Variants in FGF1 observed in about 807,000 individuals in gnomAD.
FGF1 encodes fibroblast growth factor 1, also known as beta-endothelial cell growth factor.
A neutral mutation model predicts 13.4 loss-of-function variants in FGF1; 9 were observed. The observed-to-expected ratio is 0.67, with a 90% CI of 0.40 to 1.17. The LOEUF (loss-of-function observed/expected upper bound fraction) is 1.17. FGF1 is among the 50% of genes most tolerant of loss of function. The pLI, the probability that FGF1 is intolerant of heterozygous loss-of-function variation, is 0.01. For missense variants in FGF1, 156 were observed against 192.7 expected (o/e 0.81, Z 1.13); for synonymous variants, 93 against 79.0 (o/e 1.18, Z -0.94).
intron 2 of FGF1, among the ~76,000 whole-genome samples, chr5:142,602,698 G>A (rs988682552): frequency 5.9e-5 from 9 of 151,826 alleles, no homozygotes; most frequent in African/African-American, 2.2e-4. Flanking sequence ...AATGTACTGA[G>A]CACACAGTTC....
chr5:142,601,280 T>C (rs943940110), intron 2 of FGF1, among the ~76,000 whole-genome samples: 3 of 152,212 alleles, frequency 2.0e-5, no homozygotes, highest in South Asian at 2.1e-4. Flanking sequence ...CTGGGCCTTC[T>C]AGTCATGGGA....
At chr5:142,610,446 C>G (rs1312202793) in intron 2 of FGF1, among the ~76,000 whole-genome samples, 1 of 152,114 alleles carries the variant, frequency 6.6e-6, no homozygotes. Flanking sequence ...CTGCATGGTA[C>G]GTGAGACACT....
At chr5:142,667,448 C>T (rs575865061) in intron 1 of FGF1, among the ~76,000 whole-genome samples, 37 of 147,992 alleles carry the variant, frequency 2.5e-4, no homozygotes, top group African/African-American at 8.8e-4. Context: ...TAGCTGGGCG[C>T]GGTGGCGGGC....
At chr5:142,601,921 C>T (rs1160557074) in intron 2 of FGF1, among the ~76,000 whole-genome samples, 5 of 152,176 alleles carry the variant, frequency 3.3e-5, no homozygotes, top group Admixed American at 1.3e-4. Flanking sequence ...TGATAATTCA[C>T]ATTTGGGAAT....
chr5:142,690,387 C>T (rs1267326310), upstream of FGF1, among the ~76,000 whole-genome samples: 1 of 152,112 alleles, frequency 6.6e-6, no homozygotes, highest in Non-Finnish European at 1.5e-5. Context: ...TTAAAACGAA[C>T]ACTCTGTGCA....
chr5:142,629,956 T>G (rs569960132), intron 1 of FGF1, among the ~76,000 whole-genome samples: 1 of 150,176 alleles, frequency 6.7e-6, no homozygotes, highest in South Asian at 2.1e-4. Context: ...TGCAGTGGCA[T>G]GATCTCGGCT....
At chr5:142,660,148 G>A (rs1561692315) in intron 1 of FGF1, among the ~76,000 whole-genome samples, 2 of 152,204 alleles carry the variant, frequency 1.3e-5, no homozygotes, top group African/African-American at 2.4e-5. Flanking sequence ...TCAACTGTGC[G>A]GCAGCTGAAA....
intron 1 of FGF1, among the ~76,000 whole-genome samples, chr5:142,682,479 A>G (rs1773894452): frequency 6.6e-6 from 1 of 152,190 alleles, no homozygotes; most frequent in Non-Finnish European, 1.5e-5. Context: ...TGATAAGGGC[A>G]TTACTCATTT....
chr5:142,690,488 C>T (rs1752021101), upstream of FGF1, among the ~76,000 whole-genome samples: 1 of 152,182 alleles, frequency 6.6e-6, no homozygotes, highest in Non-Finnish European at 1.5e-5. Context: ...ATGTATGGAT[C>T]CTTTCAGGAA....
intron 2 of FGF1, among the ~76,000 whole-genome samples, chr5:142,611,508 T>C (rs936847179): frequency 3.9e-5 from 6 of 152,166 alleles, no homozygotes; most frequent in African/African-American, 7.2e-5. Context: ...TGAAGCTTCT[T>C]TCGCAGAGTT....
intron 1 of FGF1, among the ~76,000 whole-genome samples, chr5:142,638,187 C>G (rs752405711): frequency 6.6e-6 from 1 of 151,998 alleles, no homozygotes; most frequent in Non-Finnish European, 1.5e-5. Context: ...AGTTCCCCAG[C>G]TTTGAACCAT....
chr5:142,605,309 C>A (rs1358927259), intron 2 of FGF1, among the ~76,000 whole-genome samples: 1 of 142,564 alleles, frequency 7.0e-6, no homozygotes. Context: ...TTAGTAGAGA[C>A]AGGGTTTCAT....
intron 1 of FGF1, among the ~76,000 whole-genome samples, chr5:142,682,110 A>C (rs1773827283): frequency 6.8e-6 from 1 of 147,098 alleles, no homozygotes; most frequent in African/African-American, 2.5e-5. Flanking sequence ...TTTGAGACAG[A>C]GTTTCACTTT....
intron 1 of FGF1, among the ~76,000 whole-genome samples, chr5:142,637,746 A>G (rs576983524): frequency 6.6e-6 from 1 of 152,174 alleles, no homozygotes; most frequent in East Asian, 1.9e-4. Context: ...TCACCAGATG[A>G]CTGGACACAT....
At chr5:142,694,632 C>G (rs10477190) in intron 2 of FGF1, among the ~76,000 whole-genome samples, 1 of 152,028 alleles carries the variant, frequency 6.6e-6, no homozygotes, top group Non-Finnish European at 1.5e-5. Flanking sequence ...AGGACCCCAG[C>G]TTGGTCACCC....
rs577043696 is a variant in FGF1, at chr5:142,628,858, C to T, written c.-34-14697G>A. Among the ~76,000 whole-genome samples the T allele has an allele frequency of 6.6e-5, 10 of 152,264 alleles. No individual in the cohort carries two copies. In the South Asian group the frequency reaches 2.1e-3, roughly 32 times the overall value. The stretch of plus-strand genomic sequence containing the variant: ...AACGTCAGAGTGACTTCTTGCTTCT[C>T]GGAGCTGCCATCTTTTCGCACATAA... On this transcript the variant is annotated intron_variant, in intron 1 of 3. Coordinates refer to ENST00000337706, the MANE Select transcript of FGF1 (RefSeq NM_000800.5).
At chr5:142,686,510 GA>G (rs1328408449), upstream of FGF1, 1 of 152,224 alleles carries the variant, frequency 6.6e-6, no homozygotes, top group Non-Finnish European at 1.5e-5. Flanking sequence ...CGTCTGAGCA[GA>G]ATCCTGTTTA....
At chr5:142,632,076 C>T (rs1440243614) in intron 1 of FGF1, among the ~76,000 whole-genome samples, 3 of 152,092 alleles carry the variant, frequency 2.0e-5, no homozygotes, top group South Asian at 2.1e-4. Context: ...CCACCACGCC[C>T]GGCCTAATTT....
At chr5:142,662,001 A>G (rs1033882989) in intron 1 of FGF1, among the ~76,000 whole-genome samples, 13 of 152,130 alleles carry the variant, frequency 8.5e-5, no homozygotes, top group African/African-American at 2.9e-4. Flanking sequence ...CTGCGTCTCA[A>G]AAAAAACAAA....
Sources: allele counts gnomAD v4.1 joint callset (sites outside exome capture counted in the v4.1 genomes callset), GRCh38; gene constraint gnomAD v4.1.1; transcripts MANE v1.5; gene names NCBI Gene and HGNC (gene_info 2026-07-23, HGNC 2026-07-21).